HAPSTR1: variants seen among roughly 807,000 people sequenced by gnomAD.
The protein encoded by HAPSTR1 is HUWE1-associated protein modifying stress responses 1.
the HAPSTR1 span, chr16:9,113,318 C>T: frequency 1.3e-5 from 2 of 152,112 alleles, no homozygotes; most frequent in African/African-American, 4.8e-5. Flanking sequence ...TTAAAGTTAT[C>T]AAGATAAACA....
chr16:9,109,173 G>A, the HAPSTR1 span: 1 of 152,216 alleles, frequency 6.6e-6, no homozygotes, highest in Non-Finnish European at 1.5e-5. Flanking sequence ...ACAGACTAGT[G>A]AAGTTGGTTA....
At chr16:9,092,806 T>C in the HAPSTR1 span, 29 of 1,112,986 alleles carry the variant, frequency 2.6e-5, no homozygotes, top group Admixed American at 4.9e-5. Context: ...CGAAACCTAA[T>C]ATGGCCGTTC....
the HAPSTR1 span, among the ~76,000 whole-genome samples, chr16:9,097,214 A>G: frequency 2.1e-4 from 31 of 149,640 alleles, no homozygotes; most frequent in African/African-American, 7.6e-4. Context: ...TGGTGGGATT[A>G]CAGGCGTGAG....
the HAPSTR1 span, chr16:9,092,865 T>A: frequency 6.9e-7 from 1 of 1,456,278 alleles, no homozygotes; most frequent in Admixed American, 2.1e-5. Flanking sequence ...TCTTTCTCTT[T>A]CTATGTGTGT....
chr16:9,096,800 ATTGC>A, the HAPSTR1 span, among the ~76,000 whole-genome samples: 1 of 151,918 alleles, frequency 6.6e-6, no homozygotes, highest in African/African-American at 2.4e-5. Flanking sequence ...AGGCAGGAGG[ATTGC>A]TTGGGGCAAT....
the HAPSTR1 span, chr16:9,107,385 A>G: frequency 6.6e-6 from 1 of 152,248 alleles, no homozygotes. Context: ...TTCTGAGAGC[A>G]GAAAGGGATG....
chr16:9,106,698 A>G, the HAPSTR1 span: 8 of 152,044 alleles, frequency 5.3e-5, no homozygotes, highest in African/African-American at 1.9e-4. Context: ...CCTGTGTCCT[A>G]TGGGACCTAG....
At chr16:9,101,068 C>G in the HAPSTR1 span, among the ~76,000 whole-genome samples, 121 of 152,332 alleles carry the variant, frequency 7.9e-4, 1 homozygote, top group African/African-American at 2.7e-3. Flanking sequence ...TCTAGGTTAA[C>G]ACATTTTACA....
At chr16:9,103,563 C>A in the HAPSTR1 span, 3 of 250,444 alleles carry the variant, frequency 1.2e-5, no homozygotes, top group African/African-American at 4.5e-5. Flanking sequence ...TGTTTTTTTC[C>A]TCTTCTGAAG....
At chr16:9,101,859 C>T in the HAPSTR1 span, among the ~76,000 whole-genome samples, 4 of 152,022 alleles carry the variant, frequency 2.6e-5, no homozygotes, top group East Asian at 1.9e-4. Context: ...CAGTGGCTCA[C>T]GCCTGTAATC....
chr16:9,093,775 A>G, the HAPSTR1 span, among the ~76,000 whole-genome samples: 1 of 151,742 alleles, frequency 6.6e-6, no homozygotes, highest in South Asian at 2.1e-4. Context: ...CCATTTGTGC[A>G]TTCTTGGTAA....
At chr16:9,092,266 C>G in the HAPSTR1 span, 1 of 1,547,398 alleles carries the variant, frequency 6.5e-7, no homozygotes, top group Non-Finnish European at 8.7e-7. Context: ...CCCAGCTCTA[C>G]AAAGGTGAGG....
the HAPSTR1 span, among the ~76,000 whole-genome samples, chr16:9,113,713 T>G: frequency 6.6e-6 from 1 of 152,344 alleles, no homozygotes; most frequent in Admixed American, 6.5e-5. Context: ...CGAAAGGTTA[T>G]CTTTGAAGAA....
the HAPSTR1 span, chr16:9,110,219 C>G: frequency 2.4e-5 from 3 of 126,402 alleles, no homozygotes; most frequent in Non-Finnish European, 4.8e-5. Flanking sequence ...ACTTCTTATT[C>G]TCTTAAATCA....
At chr16:9,106,899 T>G in the HAPSTR1 span, 4 of 152,156 alleles carry the variant, frequency 2.6e-5, no homozygotes, top group African/African-American at 7.2e-5. Flanking sequence ...ACCAGAAATC[T>G]TCTGGATCAC....
the HAPSTR1 span, among the ~76,000 whole-genome samples, chr16:9,102,730 T>A: frequency 6.6e-6 from 1 of 152,222 alleles, no homozygotes; most frequent in Non-Finnish European, 1.5e-5. Context: ...TCTCTCTGTT[T>A]CTGTTAAATT....
the HAPSTR1 span, chr16:9,107,352 A>G: frequency 6.6e-6 from 1 of 152,236 alleles, no homozygotes; most frequent in African/African-American, 2.4e-5. Flanking sequence ...TATTCACGTC[A>G]TGAATGTGGT....
the HAPSTR1 span, among the ~76,000 whole-genome samples, chr16:9,100,967 C>G: frequency 0.086 from 13,120 of 152,228 alleles, 774 homozygotes; most frequent in Admixed American, 0.18. Flanking sequence ...ATAAAATACC[C>G]TCATTCTCTT....
At chr16:9,108,889 C>G in the HAPSTR1 span, 2 of 152,166 alleles carry the variant, frequency 1.3e-5, no homozygotes, top group Non-Finnish European at 2.9e-5. Flanking sequence ...TACCATGACA[C>G]TGGAAGTATT....
Sources: gnomAD v4.1 joint callset for allele counts (sites outside exome capture counted in the v4.1 genomes callset) on GRCh38, gnomAD v4.1.1 for gene constraint, MANE v1.5 for transcripts, NCBI Gene and HGNC (gene_info 2026-07-23, HGNC 2026-07-21) for gene names.